Variants in UBASH3A observed in about 807,000 individuals in gnomAD.
UBASH3A encodes ubiquitin-associated and SH3 domain-containing protein A.
In UBASH3A, 63 loss-of-function variants were observed where a neutral mutation model predicts 73.5. The ratio of observed to expected loss-of-function variants is 0.86; its 90% CI spans 0.70 to 1.06. The LOEUF (loss-of-function observed/expected upper bound fraction) is 1.06. Among genes scored for constraint, UBASH3A ranks in the 50% least tolerant of loss-of-function variants. The pLI is 0.00. For missense variants in UBASH3A, 860 were observed against 859.0 expected (o/e 1.00, Z -0.02); for synonymous variants, 363 against 351.1 (o/e 1.03, Z -0.38).
chr21:42,444,657 C>G lies in UBASH3A; in HGVS notation c.1848+14C>G, dbSNP rs766413640. 1.7e-5 allele frequency: 27 copies of G among 1,587,398 alleles called. No homozygotes were observed. In the Admixed American group the frequency reaches 4.5e-4, roughly 26 times the overall value. On this transcript the variant is annotated intron_variant, in intron 14 of 14. Coordinates refer to ENST00000319294, the MANE Select transcript of UBASH3A (RefSeq NM_018961.4). ...CTCGTGAGAAAGGTACGCGCCCACT[C>G]TTGGCTCTTTGGGCCACAAAATCAA...
intron 11 of UBASH3A, among the ~76,000 whole-genome samples, chr21:42,442,001 C>T (rs968689104): frequency 1.3e-5 from 2 of 152,166 alleles, no homozygotes; most frequent in African/African-American, 4.8e-5. Flanking sequence ...CCTCTTGCCC[C>T]GTCTGTGTAA....
In UBASH3A at chr21:42,442,535, C is replaced by G. The variant is rs1466405405; in HGVS notation, c.1570C>G (p.Pro524Ala). ...AAAATGGGAAGCTGGCAAAACCACC[C>G]CAACCCTCATGAGCCTGGAAGAGCT... ...WTKWEAGKTTPTLMSLEELKE... is the reference protein window; with the variant it reads ...WTKWEAGKTTATLMSLEELKE... Residue 524 changes from proline to alanine, a missense_variant, in exon 12 of 15, where the codon CCA (proline) becomes GCA (alanine). Physicochemically the swap from Pro to Ala is conservative, Grantham distance 27. Coordinates refer to ENST00000319294, the MANE Select transcript of UBASH3A (RefSeq NM_018961.4). The G allele has an allele frequency of 6.2e-7, 1 of 1,614,144 alleles. No homozygotes were observed. The highest frequency in any genetic ancestry group is 1.7e-5 in the Admixed American group (1 of 60,030).
rs1041892425 is a variant in UBASH3A, at chr21:42,413,535, G to A, written c.667+12G>A. 13 of 1,591,952 alleles carry A rather than the reference G, an allele frequency of 8.2e-6. No individual in the cohort carries two copies. The highest frequency in any genetic ancestry group is 1.7e-4 in the Middle Eastern group (1 of 6,048). On this transcript the variant is annotated intron_variant, in intron 5 of 14. Coordinates refer to ENST00000319294, the MANE Select transcript of UBASH3A (RefSeq NM_018961.4). This position sits in a 1 kb window ranked among gnomAD's most constrained non-coding sequence, Gnocchi z 4.5. ...CATCCTTCAAAAATGTAAGCCATTAGAAAGCTTCCGGACCAGCTTTGGTCT... is the reference window on the plus strand; with the variant it reads ...CATCCTTCAAAAATGTAAGCCATTAAAAAGCTTCCGGACCAGCTTTGGTCT...
chr21:42,405,241 C>T (rs992311890), intron 1 of UBASH3A, among the ~76,000 whole-genome samples: 21 of 152,092 alleles, frequency 1.4e-4, no homozygotes, highest in East Asian at 3.9e-4. Context: ...ATGTGCAGGG[C>T]GGCCACCGGG....
chr21:42,417,517 T>C (rs746784228), intron 6 of UBASH3A: 1 of 152,200 alleles, frequency 6.6e-6, no homozygotes, highest in Non-Finnish European at 1.5e-5. Context: ...TATTTATTTA[T>C]TTTTTAAATG....
intron 3 of UBASH3A, chr21:42,410,154 G>A (rs1278675376): frequency 2.8e-6 from 2 of 701,984 alleles, no homozygotes; most frequent in Non-Finnish European, 5.2e-6. Flanking sequence ...TGGCCCAGTG[G>A]GTAGCTCCAC....
At chr21:42,418,669 C>T in intron 7 of UBASH3A, 60 bp downstream of exon 7, 3 of 1,478,282 alleles carry the variant, frequency 2.0e-6, no homozygotes, top group Non-Finnish European at 2.8e-6. Context: ...TGTGAGAGTG[C>T]CCACCTGCCA....
At chr21:42,438,450 T>C (rs1302522802) in intron 11 of UBASH3A, among the ~76,000 whole-genome samples, 5 of 152,122 alleles carry the variant, frequency 3.3e-5, no homozygotes, top group Non-Finnish European at 7.4e-5. Context: ...GAGTGACCGC[T>C]GGGCAGCACT....
intron 11 of UBASH3A, among the ~76,000 whole-genome samples, chr21:42,438,749 G>T (rs1050339758): frequency 1.3e-5 from 2 of 152,052 alleles, no homozygotes; most frequent in Non-Finnish European, 2.9e-5. Context: ...CCACGAGGGG[G>T]CTGCTTGGAG....
rs1269781312 is a variant in UBASH3A at position 42,420,690 on chromosome 21, G to T, written c.1046+2081G>T. On this transcript the variant is annotated intron_variant, in intron 7 of 14. Transcript: ENST00000319294. ...GCTTGTTGTCCACATGTGGCAGTTG[G>T]AAGGACCACCCGGGTGATGGGAGAG... is the stretch of plus-strand genomic sequence containing the variant. Among the ~76,000 whole-genome samples the T allele has an allele frequency of 2.0e-5, 3 of 152,294 alleles. No individual in the cohort carries two copies. In the East Asian group the frequency reaches 5.8e-4, roughly 29 times the overall value.
At chr21:42,444,255 G>T (rs781209732) in intron 13 of UBASH3A, among the ~76,000 whole-genome samples, 1 of 152,218 alleles carries the variant, frequency 6.6e-6, no homozygotes, top group Non-Finnish European at 1.5e-5. Context: ...TGTGGCTGAC[G>T]GGGCCCAGGC....
intron 9 of UBASH3A, among the ~76,000 whole-genome samples, chr21:42,433,747 G>T (rs1023419397): frequency 3.9e-5 from 6 of 152,138 alleles, no homozygotes; most frequent in Non-Finnish European, 8.8e-5. Context: ...CCCAGGGAGG[G>T]AGTCTTCAGA....
chr21:42,414,094 C>A (rs1334165503), intron 5 of UBASH3A, among the ~76,000 whole-genome samples: 2 of 152,158 alleles, frequency 1.3e-5, no homozygotes, highest in African/African-American at 4.8e-5. Context: ...CCCATCCTGC[C>A]ATAGTTCCCG....
chr21:42,441,209 AG>A (rs1458670715), intron 11 of UBASH3A, among the ~76,000 whole-genome samples: 2 of 152,270 alleles, frequency 1.3e-5, no homozygotes, highest in South Asian at 4.1e-4. Context: ...TGAGATGCTA[AG>A]GTGCTCAACT....
intron 11 of UBASH3A, 64 bp from the exon 12 acceptor site, chr21:42,442,388 C>T (rs1281727952): frequency 1.9e-6 from 3 of 1,548,136 alleles, no homozygotes; most frequent in Non-Finnish European, 2.7e-6. Context: ...TAAAAGGAGA[C>T]TTATTTATGC....
intron 5 of UBASH3A, 29 bp from the exon 6 acceptor site, chr21:42,416,413 G>T (rs746706988): frequency 6.5e-7 from 1 of 1,529,526 alleles, no homozygotes; most frequent in African/African-American, 1.4e-5. Context: ...CGGTGTCCTG[G>T]CACCCTCTGT....
intron 5 of UBASH3A, among the ~76,000 whole-genome samples, chr21:42,415,614 A>G (rs2053186217): frequency 2.6e-5 from 4 of 152,102 alleles, no homozygotes; most frequent in Admixed American, 2.6e-4. Context: ...CTAGCAGGAA[A>G]CTTTAGGTTA....
Position 42,413,334 on chromosome 21 carries a change from C to G in UBASH3A, c.554-76C>G. ...ATGCAGTGGGTGGGTTCCAGGGGAG[C>G]AGAGCCCAGCAGCAATGGTGGGATG... On this transcript the variant is annotated intron_variant, in intron 4 of 14. Coordinates refer to ENST00000319294, the MANE Select transcript of UBASH3A (RefSeq NM_018961.4). The surrounding 1 kb of genome is among the most constrained non-coding windows in gnomAD (Gnocchi z 4.5). 2 of 1,531,844 alleles carry G rather than the reference C, an allele frequency of 1.3e-6. No homozygotes were observed. Among genetic ancestry groups the G allele is most frequent in the South Asian group, 1.2e-5 (1 of 86,226 alleles). 94.9% of individuals were successfully genotyped at this position (1,531,844 alleles called of 1,614,324 possible).
At chr21:42,439,983 C>T (rs1434541834) in intron 11 of UBASH3A, among the ~76,000 whole-genome samples, 1 of 148,804 alleles carries the variant, frequency 6.7e-6, no homozygotes, top group African/African-American at 2.5e-5. Flanking sequence ...ACACACCACA[C>T]CCCACACACA....
Sources: allele counts gnomAD v4.1 joint callset (sites outside exome capture counted in the v4.1 genomes callset), GRCh38; gene constraint gnomAD v4.1.1; non-coding constraint Gnocchi (gnomAD v3.1); transcripts MANE v1.5; gene names NCBI Gene and HGNC (gene_info 2026-07-23, HGNC 2026-07-21).